ENPP3: variants seen among roughly 807,000 people sequenced by gnomAD.
The protein encoded by ENPP3 is ectonucleotide pyrophosphatase/phosphodiesterase family member 3.
A neutral mutation model predicts 117.8 loss-of-function variants in ENPP3; 104 were observed. The ratio of observed to expected loss-of-function variants is 0.88; its 90% confidence interval spans 0.75 to 1.04. The LOEUF (loss-of-function observed/expected upper bound fraction) is 1.04, where lower values mean the gene tolerates loss of function less well. Ranked by LOEUF, ENPP3 falls within the 50% of genes least tolerant of loss-of-function variation. The pLI, the probability that ENPP3 is intolerant of heterozygous loss-of-function variation, is 0.00. For synonymous variants in ENPP3, 380 were observed against 349.9 expected (o/e 1.09, Z -0.96); for missense variants, 1,026 against 1,051.9 (o/e 0.98, Z 0.34).
chr6:131,712,318 T>C (rs1779806678), intron 15 of ENPP3, among the ~76,000 whole-genome samples: 1 of 147,646 alleles, frequency 6.8e-6, no homozygotes, highest in African/African-American at 2.6e-5. Flanking sequence ...TTTGAATTTT[T>C]TTTCTGGGCA....
intron 15 of ENPP3, chr6:131,700,966 T>A: frequency 3.3e-6 from 2 of 608,276 alleles, no homozygotes; most frequent in Non-Finnish European, 5.2e-6. Flanking sequence ...GTCCAGGAAG[T>A]CACCGCGAGG....
intron 2 of ENPP3, among the ~76,000 whole-genome samples, chr6:131,643,434 C>T (rs542780723): frequency 2.0e-4 from 30 of 152,234 alleles, no homozygotes; most frequent in African/African-American, 7.2e-4. Flanking sequence ...TTTCCTTGTC[C>T]TCGTCCTTTC....
At chr6:131,724,222 A>C in intron 19 of ENPP3, 131 bp downstream of exon 19, 1 of 618,404 alleles carries the variant, frequency 1.6e-6, no homozygotes, top group African/African-American at 1.9e-5. Context: ...CAATATACAA[A>C]AGGTAAAAAA....
chr6:131,695,809 G>A (rs750711117), intron 15 of ENPP3, among the ~76,000 whole-genome samples: 5 of 151,976 alleles, frequency 3.3e-5, no homozygotes, highest in Non-Finnish European at 7.4e-5. Flanking sequence ...CCAGCTACTC[G>A]GGAGGCTGAG....
At chr6:131,728,527 A>C (rs1325923760) in intron 20 of ENPP3, among the ~76,000 whole-genome samples, 1 of 152,164 alleles carries the variant, frequency 6.6e-6, no homozygotes, top group Non-Finnish European at 1.5e-5. Flanking sequence ...CTGTGACAGG[A>C]TGGAATTCTA....
chr6:131,719,249 G>A (rs1779962641), intron 16 of ENPP3, among the ~76,000 whole-genome samples: 1 of 151,948 alleles, frequency 6.6e-6, no homozygotes, highest in African/African-American at 2.4e-5. Context: ...GGAGCCAAGT[G>A]TCCCAGGCAG....
chr6:131,687,226 G>T (rs1463666909), intron 14 of ENPP3, among the ~76,000 whole-genome samples: 1 of 152,090 alleles, frequency 6.6e-6, no homozygotes, highest in Non-Finnish European at 1.5e-5. Flanking sequence ...GTGTGAGATG[G>T]TATCTCATTG....
At chr6:131,724,623 T>C (rs1469384489) in intron 19 of ENPP3, among the ~76,000 whole-genome samples, 1 of 152,234 alleles carries the variant, frequency 6.6e-6, no homozygotes, top group Non-Finnish European at 1.5e-5. Flanking sequence ...TCATCGCTTA[T>C]AAGGGGATAC....
Position 131,722,211 on chromosome 6 carries a change from T to G in ENPP3, c.1568-16T>G, listed in dbSNP as rs760434825. 2 of 1,602,332 alleles carry G rather than the reference T, an allele frequency of 1.2e-6. No homozygotes were observed. Among genetic ancestry groups the G allele is most frequent in the Non-Finnish European group, 1.7e-6 (2 of 1,174,528 alleles). ...CCAGTGTAAAGCTACTTTGAACTAA[T>G]TTTTTCAAAAAACAGATCTTCTACG... On this transcript the variant is annotated splice_polypyrimidine_tract_variant and intron_variant, in intron 17 of 24. Transcript: ENST00000357639.
chr6:131,709,758 T>G (rs1246411599), intron 15 of ENPP3: 1 of 1,613,884 alleles, frequency 6.2e-7, no homozygotes, highest in Non-Finnish European at 8.5e-7. Flanking sequence ...TGATCTTTTC[T>G]TCCACTCTAG....
chr6:131,710,841 C>T, intron 15 of ENPP3: 1 of 1,612,796 alleles, frequency 6.2e-7, no homozygotes, highest in African/African-American at 1.3e-5. Flanking sequence ...AACTTCTCCA[C>T]AAAAAAAGGA....
At chr6:131,674,130 A>G (rs1043377091) in intron 7 of ENPP3, 32 bp from the exon 8 acceptor site, 6 of 1,353,674 alleles carry the variant, frequency 4.4e-6, no homozygotes, top group Non-Finnish European at 6.2e-6. Context: ...CTAATATTTT[A>G]TCTTACATCT....
intron 15 of ENPP3, among the ~76,000 whole-genome samples, chr6:131,699,221 G>T (rs535940716): frequency 1.8e-5 from 2 of 110,064 alleles, no homozygotes; most frequent in Non-Finnish European, 1.7e-5. Flanking sequence ...CTGGGCTATA[G>T]AGCAAGACTG....
intron 14 of ENPP3, 43 bp from the exon 15 acceptor site, chr6:131,693,454 G>A (rs1349090591): frequency 5.2e-6 from 8 of 1,540,704 alleles, no homozygotes; most frequent in Non-Finnish European, 4.4e-6. Context: ...AAATTAATTT[G>A]CATATCTTAT....
chr6:131,718,472 T>A (rs1195350260), intron 15 of ENPP3, among the ~76,000 whole-genome samples, 200 bp from the exon 16 acceptor site: 1 of 152,066 alleles, frequency 6.6e-6, no homozygotes, highest in Non-Finnish European at 1.5e-5. Context: ...TGGTTATGAA[T>A]TTGAGCATGA....
rs1365731924 is a variant in ENPP3 at position 131,746,826 on chromosome 6, C to T, written c.2498C>T (p.Thr833Ile). ...GCTCTTTGGGTTGAAGAAAGATTTA[C>T]AGCTCACATTGCCCGGGTCCGTGAT... ...PEALWVEERFTAHIARVRDVE... is the reference protein window; with the variant it reads ...PEALWVEERFIAHIARVRDVE... Residue 833 changes from threonine to isoleucine, a missense_variant, in exon 25 of 25, where the codon ACA becomes ATA. Transcript: ENST00000357639. The T allele has an allele frequency of 1.2e-6, 2 of 1,612,096 alleles. No homozygotes were observed. Among genetic ancestry groups the T allele is most frequent in the South Asian group, 1.1e-5 (1 of 90,574 alleles).
chr6:131,682,400 A>G (rs112573646), intron 11 of ENPP3, among the ~76,000 whole-genome samples: 18 of 152,270 alleles, frequency 1.2e-4, no homozygotes, highest in African/African-American at 4.3e-4. Flanking sequence ...AGGCTGAGAC[A>G]GGAGGATTGC....
chr6:131,732,703 C>A (rs1780310577), intron 20 of ENPP3, among the ~76,000 whole-genome samples: 1 of 142,114 alleles, frequency 7.0e-6, no homozygotes, highest in African/African-American at 2.6e-5. Context: ...CCAAGCCTGG[C>A]CTAAGACATT....
intron 23 of ENPP3, 84 bp from the exon 24 acceptor site, chr6:131,740,140 G>GA (rs1407894754): frequency 7.7e-6 from 8 of 1,034,786 alleles, no homozygotes; most frequent in East Asian, 3.0e-5. Flanking sequence ...ACATGTATAT[G>GA]AAAAAAACTA....
Sources: gnomAD v4.1 joint callset for allele counts (sites outside exome capture counted in the v4.1 genomes callset) on GRCh38, gnomAD v4.1.1 for gene constraint, MANE v1.5 for transcripts, NCBI Gene and HGNC (gene_info 2026-07-23, HGNC 2026-07-21) for gene names.